Variants in PHTF2 observed in about 807,000 individuals in gnomAD.
PHTF2 encodes protein PHTF2.
A neutral mutation model predicts 101.2 loss-of-function variants in PHTF2; 60 were observed. The ratio of observed to expected loss-of-function variants is 0.59; its 90% CI spans 0.48 to 0.73. The LOEUF (loss-of-function observed/expected upper bound fraction) is 0.73. Among genes scored for constraint, PHTF2 ranks in the 30% least tolerant of loss-of-function variants. The pLI is 0.00. For missense variants in PHTF2, 747 were observed against 908.7 expected, an observed-to-expected ratio of 0.82 and a Z score of 2.29; for synonymous variants, 311 against 307.3, an observed-to-expected ratio of 1.01 and a Z score of -0.13.
intron 3 of PHTF2, among the ~76,000 whole-genome samples, chr7:77,873,932 A>G (rs1367150306): frequency 1.3e-5 from 2 of 152,158 alleles, no homozygotes; most frequent in East Asian, 1.9e-4. Context: ...TCTAGGGGAG[A>G]TAAGACTCTC....
intron 15 of PHTF2, among the ~76,000 whole-genome samples, chr7:77,942,361 A>G (rs1325657490): frequency 6.6e-6 from 1 of 152,182 alleles, no homozygotes; most frequent in Non-Finnish European, 1.5e-5. Context: ...TCTCTGTTGT[A>G]TTTGTAGCAC....
At chr7:77,941,746 C>T (rs1026449863) in intron 15 of PHTF2, among the ~76,000 whole-genome samples, 2 of 152,204 alleles carry the variant, frequency 1.3e-5, no homozygotes, top group East Asian at 1.9e-4. Flanking sequence ...TCTTCTACCT[C>T]ATGCTACTTC....
At chr7:77,810,241 C>T (rs1032922312) in intron 1 of PHTF2, among the ~76,000 whole-genome samples, 1 of 151,816 alleles carries the variant, frequency 6.6e-6, no homozygotes, top group Admixed American at 6.6e-5. Context: ...ACTCCTTTAC[C>T]GCTACTGAGT....
At chr7:77,931,944 A>G (rs569843018) in intron 12 of PHTF2, among the ~76,000 whole-genome samples, 10 of 152,168 alleles carry the variant, frequency 6.6e-5, no homozygotes, top group Non-Finnish European at 1.5e-4. Flanking sequence ...TACTGAAAAT[A>G]CAAAAATTAG....
chr7:77,869,978 T>A (rs1798388135), intron 3 of PHTF2, among the ~76,000 whole-genome samples: 1 of 152,182 alleles, frequency 6.6e-6, no homozygotes, highest in African/African-American at 2.4e-5. Flanking sequence ...GTTCCTTATA[T>A]ATTCTGGTTA....
At chr7:77,914,118 A>C (rs766811274) in intron 9 of PHTF2, among the ~76,000 whole-genome samples, 18 of 152,016 alleles carry the variant, frequency 1.2e-4, no homozygotes, top group Non-Finnish European at 2.4e-4. Context: ...GTACCATCCT[A>C]AGCCAGGCAT....
At chr7:77,930,168 G>C (rs775880157) in intron 12 of PHTF2, among the ~76,000 whole-genome samples, 66 of 151,880 alleles carry the variant, frequency 4.3e-4, no homozygotes, top group Non-Finnish European at 7.4e-4. Context: ...TGGCCAGGCT[G>C]GTCTCGAACT....
At chr7:77,947,086 A>C (rs1806111214) in intron 16 of PHTF2, among the ~76,000 whole-genome samples, 1 of 151,910 alleles carries the variant, frequency 6.6e-6, no homozygotes, top group Admixed American at 6.6e-5. Flanking sequence ...GTGCCACTGC[A>C]CTCCAGCCTG....
chr7:77,918,455 C>T (rs1413255602), intron 9 of PHTF2, among the ~76,000 whole-genome samples: 4 of 152,182 alleles, frequency 2.6e-5, no homozygotes, highest in African/African-American at 9.7e-5. Context: ...TTTCCTCTCC[C>T]TTCTCAGCCC....
chr7:77,954,987 T>C, exon 20 of PHTF2: 1 of 554,526 alleles, frequency 1.8e-6, no homozygotes, highest in South Asian at 2.7e-5. Flanking sequence ...GCTAGGGAGT[T>C]GAAGTGTTTA....
intron 1 of PHTF2, among the ~76,000 whole-genome samples, chr7:77,830,967 T>G (rs1354047289): frequency 6.6e-6 from 1 of 152,214 alleles, no homozygotes; most frequent in Non-Finnish European, 1.5e-5. Context: ...ACTAGAGAGC[T>G]TCTTTGTAAA....
At chr7:77,857,776 T>A (rs1206172412) in intron 3 of PHTF2, among the ~76,000 whole-genome samples, 3 of 152,234 alleles carry the variant, frequency 2.0e-5, no homozygotes, top group African/African-American at 7.2e-5. Context: ...GTTGCCTAAT[T>A]TCTCTGAATT....
intron 2 of PHTF2, among the ~76,000 whole-genome samples, chr7:77,847,710 C>G (rs917358001): frequency 1.3e-5 from 2 of 152,208 alleles, no homozygotes; most frequent in East Asian, 1.9e-4. Context: ...GTGTTCCAAA[C>G]ATTCTAATTA....
At chr7:77,854,302 T>G (rs576471579) in intron 2 of PHTF2, among the ~76,000 whole-genome samples, 32 of 152,234 alleles carry the variant, frequency 2.1e-4, no homozygotes, top group African/African-American at 7.5e-4. Flanking sequence ...ACCAAACAAA[T>G]GGAGTCTCTC....
At chr7:77,862,486 A>G (rs2150678162) in intron 3 of PHTF2, among the ~76,000 whole-genome samples, 1 of 152,320 alleles carries the variant, frequency 6.6e-6, no homozygotes, top group Non-Finnish European at 1.5e-5. Context: ...GTTAAAAGGA[A>G]GCAATCATTG....
chr7:77,799,464 G>A (rs1439076359), intron 1 of PHTF2, among the ~76,000 whole-genome samples: 2 of 152,200 alleles, frequency 1.3e-5, no homozygotes, highest in African/African-American at 4.8e-5. Context: ...GCTGGAGGAG[G>A]TGGAAGGAGG....
At chr7:77,825,017 G>A (rs1294973208) in intron 1 of PHTF2, among the ~76,000 whole-genome samples, 1 of 152,122 alleles carries the variant, frequency 6.6e-6, no homozygotes, top group East Asian at 1.9e-4. Context: ...CAGCCTGGGT[G>A]ACAGAGCGAG....
intron 1 of PHTF2, among the ~76,000 whole-genome samples, chr7:77,814,358 T>C (rs1793677291): frequency 6.6e-6 from 1 of 152,208 alleles, no homozygotes; most frequent in African/African-American, 2.4e-5. Flanking sequence ...TTTAATTTTA[T>C]TGTTTATTTT....
intron 1 of PHTF2, among the ~76,000 whole-genome samples, chr7:77,838,825 T>G (rs1435687846): frequency 6.6e-6 from 1 of 152,248 alleles, no homozygotes; most frequent in East Asian, 1.9e-4. Context: ...TGCTTGAATT[T>G]GATCAGTTAG....
Sources: allele counts gnomAD v4.1 joint callset (sites outside exome capture counted in the v4.1 genomes callset), GRCh38; gene constraint gnomAD v4.1.1; transcripts MANE v1.5; gene names NCBI Gene and HGNC (gene_info 2026-07-23, HGNC 2026-07-21).